Variants in MYO1D observed in about 807,000 individuals in gnomAD.
The protein encoded by MYO1D is myosin ID, also known as unconventional myosin-Id.
A neutral mutation model predicts 122.0 loss-of-function variants in MYO1D; 83 were observed. The ratio of observed to expected loss-of-function variants is 0.68; its 90% CI spans 0.57 to 0.82. The LOEUF (loss-of-function observed/expected upper bound fraction) is 0.82. Among genes scored for constraint, MYO1D ranks in the 40% least tolerant of loss-of-function variants. The pLI is 0.00. For synonymous variants in MYO1D, 464 were observed against 446.9 expected (o/e 1.04, Z -0.48); for missense variants, 1,157 against 1,269.5 (o/e 0.91, Z 1.35).
At chr17:32,745,156 A>G in intron 13 of MYO1D, 55 bp downstream of exon 13, 1 of 973,114 alleles carries the variant, frequency 1.0e-6, no homozygotes, top group Non-Finnish European at 1.6e-6. Flanking sequence ...ATGTGCATAT[A>G]TTACATATGT....
At chr17:32,819,356 T>A (rs2151056530) in intron 1 of MYO1D, among the ~76,000 whole-genome samples, 1 of 152,262 alleles carries the variant, frequency 6.6e-6, no homozygotes, top group African/African-American at 2.4e-5. Flanking sequence ...ACTGAAGGGC[T>A]ATCTCCCAGC....
At chr17:32,772,112 C>T (rs2090118959) in intron 5 of MYO1D, among the ~76,000 whole-genome samples, 1 of 152,090 alleles carries the variant, frequency 6.6e-6, no homozygotes, top group South Asian at 2.1e-4. Context: ...GTATTGTCAC[C>T]GTTCAGTTAC....
Position 32,608,982 on chromosome 17 carries a change from A to G in MYO1D, c.2710-3741T>C, listed in dbSNP as rs34556126. Among the ~76,000 whole-genome samples, 186 of 152,316 alleles carry G rather than the reference A, an allele frequency of 1.2e-3. 1 individual carries two copies. Among genetic ancestry groups the G allele is most frequent in the African/African-American group, 4.2e-3 (173 of 41,570 alleles). The stretch of plus-strand genomic sequence containing the variant: ...AAAGGATAAGGATGGACAACAGATC[A>G]GTAGCTGCCAGGGTTTGGGGTTATG... On this transcript the variant is annotated intron_variant, in intron 20 of 21. Coordinates refer to ENST00000318217, the MANE Select transcript of MYO1D (RefSeq NM_015194.3).
chr17:32,778,431 G>A (rs774565157), intron 3 of MYO1D, 49 bp downstream of exon 3: 1 of 1,561,108 alleles, frequency 6.4e-7, no homozygotes, highest in South Asian at 1.1e-5. Context: ...CAAGTCCATA[G>A]AGAAAACAGA....
intron 21 of MYO1D, among the ~76,000 whole-genome samples, chr17:32,552,523 C>T (rs1387559796): frequency 6.6e-6 from 1 of 152,030 alleles, no homozygotes; most frequent in African/African-American, 2.4e-5. Flanking sequence ...TTCACCTCCC[C>T]TTTTTTGCCC....
chr17:32,751,758 T>A (rs987294083), intron 11 of MYO1D, among the ~76,000 whole-genome samples: 3 of 151,966 alleles, frequency 2.0e-5, no homozygotes, highest in African/African-American at 7.2e-5. Flanking sequence ...TACAAAACAC[T>A]GACAAAAGAA....
intron 7 of MYO1D, among the ~76,000 whole-genome samples, chr17:32,765,284 T>C (rs1035808278): frequency 1.3e-5 from 2 of 152,200 alleles, no homozygotes; most frequent in African/African-American, 4.8e-5. Context: ...GTGTATGTTT[T>C]TGATAGATAA....
intron 21 of MYO1D, among the ~76,000 whole-genome samples, chr17:32,538,730 A>T (rs994022103): frequency 1.1e-4 from 16 of 152,228 alleles, no homozygotes; most frequent in Non-Finnish European, 2.9e-5. Context: ...GATAAAGAAA[A>T]TGTGATATAT....
At chr17:32,560,341 C>CT (rs1567890207) in intron 21 of MYO1D, among the ~76,000 whole-genome samples, 1 of 151,462 alleles carries the variant, frequency 6.6e-6, no homozygotes, top group African/African-American at 2.4e-5. Context: ...CTAGTCTCTT[C>CT]TTTTTTGCAT....
At chr17:32,810,300 TG>T (rs1415742571) in intron 1 of MYO1D, among the ~76,000 whole-genome samples, 5 of 152,096 alleles carry the variant, frequency 3.3e-5, no homozygotes, top group African/African-American at 1.2e-4. Flanking sequence ...GTTCTAAGGG[TG>T]ACCCTGAAGT....
chr17:32,672,805 T>C (rs1438993170), intron 16 of MYO1D, among the ~76,000 whole-genome samples: 4 of 152,112 alleles, frequency 2.6e-5, no homozygotes, highest in Non-Finnish European at 5.9e-5. Flanking sequence ...TCTAATGGCA[T>C]CAGCACAGTT....
chr17:32,749,072 G>C, intron 11 of MYO1D, 66 bp from the exon 12 acceptor site: 1 of 1,349,208 alleles, frequency 7.4e-7, no homozygotes, highest in Non-Finnish European at 1.1e-6. Flanking sequence ...ATATATTCCA[G>C]CTTAATATGA....
intron 21 of MYO1D, among the ~76,000 whole-genome samples, chr17:32,599,378 C>A (rs867025023): frequency 1.3e-5 from 2 of 152,206 alleles, no homozygotes; most frequent in Admixed American, 6.5e-5. Flanking sequence ...CTTCAGGCTC[C>A]ACTTCCAATT....
chr17:32,724,684 G>A (rs929759401), intron 14 of MYO1D, among the ~76,000 whole-genome samples: 1 of 152,072 alleles, frequency 6.6e-6, no homozygotes, highest in Non-Finnish European at 1.5e-5. Flanking sequence ...GGGGACACAG[G>A]TAAACCCCTC....
At chr17:32,667,207 G>A (rs2088649146) in intron 16 of MYO1D, among the ~76,000 whole-genome samples, 1 of 152,138 alleles carries the variant, frequency 6.6e-6, no homozygotes, top group African/African-American at 2.4e-5. Context: ...ATTCAATTTA[G>A]GATATTTCAT....
chr17:32,492,769 C>T lies in MYO1D; in HGVS notation c.*1990G>A, dbSNP rs1198529558. 4 of 152,624 alleles carry T rather than the reference C, an allele frequency of 2.6e-5. No individual in the cohort carries two copies. The highest frequency in any genetic ancestry group is 9.7e-5 in the African/African-American group (4 of 41,440). The allele number at this position is 152,624 out of a possible 1,614,324, so 9.5% of individuals were successfully genotyped here. Reference sequence around the variant, plus strand: ...GTCTACAATCATGCCCGCTTCCTTTCCCCTCAGCGCCCGGGACACGTGACC... The same window carrying T: ...GTCTACAATCATGCCCGCTTCCTTTTCCCTCAGCGCCCGGGACACGTGACC... On this transcript the variant is annotated 3_prime_UTR_variant, in exon 22 of 22. Coordinates refer to ENST00000318217, the MANE Select transcript of MYO1D (RefSeq NM_015194.3).
chr17:32,814,441 C>T (rs975332904), intron 1 of MYO1D, among the ~76,000 whole-genome samples: 5 of 152,172 alleles, frequency 3.3e-5, no homozygotes, highest in Admixed American at 6.5e-5. Flanking sequence ...AGTAAATGCT[C>T]AATGAATTTG....
At chr17:32,607,089 G>A (rs548505447) in intron 20 of MYO1D, among the ~76,000 whole-genome samples, 1 of 152,312 alleles carries the variant, frequency 6.6e-6, no homozygotes, top group East Asian at 1.9e-4. Flanking sequence ...GAACCCGGGA[G>A]GCGGAGGTTG....
rs2089991005 is a variant in MYO1D at position 32,760,588 on chromosome 17, T to C, written c.1075A>G (p.Ile359Val). The C allele has an allele frequency of 1.9e-6, 3 of 1,613,166 alleles. No individual in the cohort carries two copies. The highest frequency in any genetic ancestry group is 2.5e-6 in the Non-Finnish European group (3 of 1,179,560). Residue 359 changes from isoleucine to valine, a missense_variant, in exon 9 of 22, where the codon ATC (isoleucine) becomes GTC (valine). Transcript: ENST00000318217. ...TTCTTGACCTCAATAATATCATTGA[T>C]GCGAGTAACGATCCAACAAAAAAGG... ...ERLFCWIVTR[I>V]NDIIEVKNYD... is the part of the protein sequence containing the mutation.
Sources: allele counts gnomAD v4.1 joint callset (sites outside exome capture counted in the v4.1 genomes callset), GRCh38; gene constraint gnomAD v4.1.1; transcripts MANE v1.5; gene names NCBI Gene and HGNC (gene_info 2026-07-23, HGNC 2026-07-21).